ACR: variants seen among roughly 807,000 people sequenced by gnomAD.
ACR encodes the protein acrosin light and heavy chain prepropeptide.
ACR carries 17 observed loss-of-function variants against 26.0 expected under a neutral mutation model. The ratio of observed to expected loss-of-function variants is 0.65; its 90% CI spans 0.45 to 0.98. ACR has a LOEUF of 0.98. Among genes scored for constraint, ACR ranks in the 50% least tolerant of loss-of-function variants. ACR has a pLI of 0.00. For missense variants in ACR, 435 were observed against 519.3 expected, an observed-to-expected ratio of 0.84 and a Z score of 1.58; for synonymous variants, 199 against 207.7, an observed-to-expected ratio of 0.96 and a Z score of 0.36.
At chr22:50,744,485 T>C in intron 4 of ACR, 168 bp from the exon 5 acceptor site, 2 of 1,078,076 alleles carry the variant, frequency 1.9e-6, no homozygotes, top group Non-Finnish European at 2.6e-6. Flanking sequence ...CCTCCTCACA[T>C]CCCAAATGAA....
rs2083407296 is a variant in ACR, at chr22:50,738,247, G to A, written c.12G>A (p.Met4Ile). 1 of 1,614,036 alleles carries A rather than the reference G, an allele frequency of 6.2e-7. No individual in the cohort carries two copies. The highest frequency in any genetic ancestry group is 8.5e-7 in the Non-Finnish European group (1 of 1,179,936). Residue 4 changes from methionine (M) to isoleucine (I), a missense_variant, in exon 1 of 5, where the codon ATG becomes ATA. Met to Ile is a conservative substitution (Grantham distance 10, BLOSUM62 1). Around this residue, in one of 3 missense-constraint regions of ACR, gnomAD observed 314 missense variants for 372.0 expected, o/e 0.84. Transcript: ENST00000216139. The stretch of plus-strand genomic sequence containing the variant: ...GCAGTGCCAGGAGTATGGTTGAGAT[G>A]CTACCAACTGCCATTCTGCTGGTCT... MVEMLPTAILLVLA... is the reference protein window; with the variant it reads MVEILPTAILLVLA...
rs368795913 is a variant in ACR, at chr22:50,739,966, T to C, written c.554T>C (p.Ile185Thr). ...QSCWVAGWGY[I>T]EEKAPRPSSI... ...TGCTGGGTGGCCGGCTGGGGATATA[T>C]AGAAGAGAAAGGTGAGTATGGGAGC... The change falls in exon 3 of 5, where the codon ATA becomes ACA. Residue 185 changes from isoleucine (I) to threonine (T), a missense_variant. This residue lies in a region of ACR where 314 missense variants were observed against 372.0 expected (regional missense o/e 0.84). Coordinates refer to ENST00000216139, the MANE Select transcript of ACR (RefSeq NM_001097.3). This position sits in a 1 kb window ranked among gnomAD's most constrained non-coding sequence, Gnocchi z 5.5. 10 of 1,613,370 alleles carry C rather than the reference T, an allele frequency of 6.2e-6. No individual in the cohort carries two copies. The African/African-American group carries it at 1.1e-4, about 17-fold the overall frequency.
rs2083441515 is a variant in ACR, at chr22:50,744,721, A to G, written c.780A>G (p.Thr260=). 2.5e-6 allele frequency: 4 copies of G among 1,613,336 alleles called. No homozygotes were observed. The highest frequency in any genetic ancestry group is 2.5e-6 in the Non-Finnish European group (3 of 1,179,774). ...KESAYVVVGI[T]SWGVGCARAK... Reference sequence around the variant, plus strand: ...GCGCCTATGTGGTCGTGGGAATCACAAGCTGGGGGGTAGGCTGTGCCCGTG... The same window carrying G: ...GCGCCTATGTGGTCGTGGGAATCACGAGCTGGGGGGTAGGCTGTGCCCGTG... The change falls in exon 5 of 5, where the codon ACA becomes ACG. Residue 260 remains threonine (T), a synonymous_variant. Transcript: ENST00000216139.
intron 3 of ACR, chr22:50,740,555 T>C: frequency 1.4e-6 from 1 of 701,898 alleles, no homozygotes; most frequent in Non-Finnish European, 2.6e-6. Flanking sequence ...ATTTGCTCTG[T>C]AGACTGGGAA....
chr22:50,740,036 G>A, intron 3 of ACR, 59 bp downstream of exon 3: 2 of 1,604,990 alleles, frequency 1.2e-6, no homozygotes, highest in Non-Finnish European at 1.7e-6. Context: ...GGTGGTCTTT[G>A]AGGTGCAGCG....
At chr22:50,742,028 C>T (rs1462694454) in intron 3 of ACR, among the ~76,000 whole-genome samples, 8 of 151,958 alleles carry the variant, frequency 5.3e-5, no homozygotes, top group South Asian at 4.2e-4. Context: ...CCCAGCTACT[C>T]GGGAGGCTGA....
intron 3 of ACR, 23 bp from the exon 4 acceptor site, chr22:50,744,038 A>G: frequency 6.5e-7 from 1 of 1,531,584 alleles, no homozygotes; most frequent in South Asian, 1.1e-5. Context: ...GTGATCACTG[A>G]CCACCGAGTG....
intron 3 of ACR, 69 bp downstream of exon 3, chr22:50,740,046 G>A (rs749100276): frequency 9.4e-6 from 15 of 1,598,218 alleles, no homozygotes; most frequent in East Asian, 8.9e-5. Flanking sequence ...GAGGTGCAGC[G>A]GTCACTTGTT....
chr22:50,741,291 C>A (rs2083423766), intron 3 of ACR, among the ~76,000 whole-genome samples: 1 of 152,156 alleles, frequency 6.6e-6, no homozygotes, highest in African/African-American at 2.4e-5. Context: ...TGTCCTTGTT[C>A]TCACTGGCCT....
At position 50,739,505 on chromosome 22, in the gene ACR, T is replaced by C; in HGVS notation, c.281+31T>C. 6.2e-7 allele frequency: 1 copy of C among 1,611,766 alleles called. No homozygotes were observed. The highest frequency in any genetic ancestry group is 8.5e-7 in the Non-Finnish European group (1 of 1,178,160). The stretch of plus-strand genomic sequence containing the variant: ...TGTAGGGATGCACTGAGGGAGGTCT[T>C]CAGAACGGCTCTTCTCAGAGAGGGG... On this transcript the variant is annotated intron_variant, in intron 2 of 4. Coordinates refer to ENST00000216139, the MANE Select transcript of ACR (RefSeq NM_001097.3). The surrounding 1 kb of genome is among the most constrained non-coding windows in gnomAD (Gnocchi z 5.5).
intron 3 of ACR, among the ~76,000 whole-genome samples, chr22:50,742,360 C>T (rs1310966250): frequency 2.0e-5 from 3 of 151,658 alleles, no homozygotes; most frequent in African/African-American, 4.9e-5. Context: ...CTGGCTAACA[C>T]GGTGAAACCT....
chr22:50,742,417 G>A (rs371310831), intron 3 of ACR, among the ~76,000 whole-genome samples: 4 of 151,616 alleles, frequency 2.6e-5, no homozygotes, highest in East Asian at 3.9e-4. Flanking sequence ...GGTGGCGGGC[G>A]CCTGTAGTCC....
At chr22:50,741,783 C>T (rs1022191292) in intron 3 of ACR, among the ~76,000 whole-genome samples, 51 of 151,072 alleles carry the variant, frequency 3.4e-4, no homozygotes, top group Admixed American at 1.2e-3. Flanking sequence ...TTGGGTATTG[C>T]TTCTTTCCCA....
chr22:50,741,486 C>T (rs1300782637), intron 3 of ACR, among the ~76,000 whole-genome samples: 1 of 151,988 alleles, frequency 6.6e-6, no homozygotes, highest in Non-Finnish European at 1.5e-5. Context: ...AGGGTCCCCA[C>T]TGCCAACCGT....
chr22:50,739,195 C>T lies in ACR; in HGVS notation c.78-76C>T, dbSNP rs1014921059. The T allele has an allele frequency of 1.5e-6, 2 of 1,345,188 alleles. No individual in the cohort carries two copies. The highest frequency in any genetic ancestry group is 2.0e-5 in the Admixed American group (1 of 49,550). 83.3% of individuals were successfully genotyped at this position (1,345,188 alleles called of 1,614,324 possible). A position where few individuals can be genotyped will look rare whatever the true frequency, so the allele number is the denominator to read the frequency against. Reference sequence around the variant, plus strand: ...CACTTTTCCCAACCCCATGTCCCTGCCTCCCCTCAGTTGTGGAGTTACAAG... The same window carrying T: ...CACTTTTCCCAACCCCATGTCCCTGTCTCCCCTCAGTTGTGGAGTTACAAG... On this transcript the variant is annotated intron_variant, in intron 1 of 4. Transcript: ENST00000216139. This position sits in a 1 kb window ranked among gnomAD's most constrained non-coding sequence, Gnocchi z 5.5.
rs1336171221 is a variant in ACR at position 50,744,742 on chromosome 22, C to T, written c.801C>T (p.Ala267=). Residue 267 remains alanine, a synonymous_variant, in exon 5 of 5, where the codon GCC becomes GCT. Transcript: ENST00000216139. The stretch of plus-strand genomic sequence containing the variant: ...TCACAAGCTGGGGGGTAGGCTGTGC[C>T]CGTGCCAAGCGCCCCGGAATCTACA... The part of the protein sequence containing the change: ...VGITSWGVGC[A]RAKRPGIYTA... 1.2e-6 allele frequency: 2 copies of T among 1,602,500 alleles called. No individual in the cohort carries two copies. Among genetic ancestry groups the T allele is most frequent in the Non-Finnish European group, 1.7e-6 (2 of 1,175,434 alleles).
intron 3 of ACR, 46 bp downstream of exon 3, chr22:50,740,023 C>T (rs758522868): frequency 3.6e-5 from 58 of 1,610,022 alleles, no homozygotes; most frequent in South Asian, 1.1e-5. Flanking sequence ...TGGCCATTCT[C>T]CTGGTGGTCT....
At chr22:50,744,441 A>G in intron 4 of ACR, 1 of 742,060 alleles carries the variant, frequency 1.3e-6, no homozygotes, top group South Asian at 1.9e-5. Flanking sequence ...GGGTTTGCTC[A>G]TCTCACTGCA....
Position 50,744,136 on chromosome 22 carries a change from G to A in ACR, c.641G>A (p.Trp214Ter). Residue 214 changes from tryptophan to a stop codon, truncating the protein, a stop_gained, in exon 4 of 5, where the codon TGG (tryptophan) becomes TAG (stop). Transcript: ENST00000216139. LOFTEE classifies it high-confidence loss of function. ...CTGGACTTGTGTAACTCGACCCAGTGGTACAATGGGCGCGTTCAGCCAACC... is the reference window on the plus strand; with the variant it reads ...CTGGACTTGTGTAACTCGACCCAGTAGTACAATGGGCGCGTTCAGCCAACC... The part of the protein sequence containing the change: ...IDLDLCNSTQ[W>*]YNGRVQPTNV... 6.2e-7 allele frequency: 1 copy of A among 1,613,892 alleles called. No individual in the cohort carries two copies. The highest frequency in any genetic ancestry group is 1.7e-4 in the Middle Eastern group (1 of 6,056).
Sources: allele counts gnomAD v4.1 joint callset (sites outside exome capture counted in the v4.1 genomes callset), GRCh38; gene constraint gnomAD v4.1.1; regional missense constraint gnomAD v4.1.1; non-coding constraint Gnocchi (gnomAD v3.1); transcripts MANE v1.5; gene names NCBI Gene and HGNC (gene_info 2026-07-23, HGNC 2026-07-21).